The following GALNTL6 variants were observed in gnomAD, a reference collection of about 807,000 sequenced individuals.
The protein encoded by GALNTL6 is polypeptide N-acetylgalactosaminyltransferase like 6.
Under a neutral mutation model 73.7 loss-of-function variants are expected in GALNTL6, and 46 were observed. That is an observed-to-expected ratio of 0.62 (90% CI 0.49 to 0.80). The LOEUF is 0.80. Ranked by LOEUF, GALNTL6 falls within the 30% of genes least tolerant of loss-of-function variation. The pLI is 0.00. For missense variants in GALNTL6, 604 were observed against 755.0 expected, an observed-to-expected ratio of 0.80 and a Z score of 2.34; for synonymous variants, 259 against 263.7, an observed-to-expected ratio of 0.98 and a Z score of 0.17.
intron 2 of GALNTL6, among the ~76,000 whole-genome samples, chr4:172,218,398 A>G (rs775282967): frequency 6.6e-6 from 1 of 151,920 alleles, no homozygotes; most frequent in Non-Finnish European, 1.5e-5. Flanking sequence ...TTTCTTCATG[A>G]TGACCTGGTA....
At chr4:172,772,167 A>G (rs976878085) in intron 5 of GALNTL6, among the ~76,000 whole-genome samples, 3 of 152,210 alleles carry the variant, frequency 2.0e-5, no homozygotes, top group Admixed American at 2.0e-4. Context: ...ACCTACTCCC[A>G]CGATTCAATT....
At chr4:172,072,167 A>G (rs1731563532) in intron 2 of GALNTL6, among the ~76,000 whole-genome samples, 1 of 152,104 alleles carries the variant, frequency 6.6e-6, no homozygotes, top group South Asian at 2.1e-4. Context: ...ATAATCCTTC[A>G]TAAGGCCTGA....
chr4:172,682,264 A>G (rs1480979705), intron 5 of GALNTL6, among the ~76,000 whole-genome samples: 1 of 152,102 alleles, frequency 6.6e-6, no homozygotes, highest in East Asian at 1.9e-4. Flanking sequence ...CTTTTAGATC[A>G]TTTTAACACA....
chr4:172,910,518 G>A (rs1046709122), intron 8 of GALNTL6, among the ~76,000 whole-genome samples: 1 of 152,188 alleles, frequency 6.6e-6, no homozygotes, highest in Non-Finnish European at 1.5e-5. Context: ...GTTGGCCCCT[G>A]AAGGCCCCTG....
At chr4:172,105,737 C>T (rs1031739573) in intron 2 of GALNTL6, among the ~76,000 whole-genome samples, 1 of 151,938 alleles carries the variant, frequency 6.6e-6, no homozygotes, top group Non-Finnish European at 1.5e-5. Flanking sequence ...GAGAAAAACT[C>T]ATTCAAAAGC....
intron 7 of GALNTL6, among the ~76,000 whole-genome samples, chr4:172,830,872 A>T (rs1217632757): frequency 6.6e-6 from 1 of 152,128 alleles, no homozygotes; most frequent in Non-Finnish European, 1.5e-5. Context: ...AACAAGATTC[A>T]CAATCAGGCG....
chr4:172,793,838 G>A (rs1282824742), intron 5 of GALNTL6, among the ~76,000 whole-genome samples: 1 of 152,116 alleles, frequency 6.6e-6, no homozygotes, highest in Non-Finnish European at 1.5e-5. Flanking sequence ...AGCTTGCACA[G>A]GCAACAATGA....
Position 172,143,025 on chromosome 4 carries a change from A to G in GALNTL6, c.139-86631A>G, listed in dbSNP as rs548317808. 3.9e-5 allele frequency among the ~76,000 whole-genome samples: 6 copies of G among 152,124 alleles called. No individual in the cohort carries two copies. In the East Asian group the frequency reaches 1.2e-3, roughly 29 times the overall value. On this transcript the variant is annotated intron_variant, in intron 2 of 12. Coordinates refer to ENST00000506823, the MANE Select transcript of GALNTL6 (RefSeq NM_001034845.3). ...GATAGATAGATAGATAGACAGATAGATAGATAATGTCAATTCATTTAACAA... is the reference window on the plus strand; with the variant it reads ...GATAGATAGATAGATAGACAGATAGGTAGATAATGTCAATTCATTTAACAA...
chr4:173,018,882 G>A (rs949210549), intron 11 of GALNTL6, among the ~76,000 whole-genome samples: 2 of 152,236 alleles, frequency 1.3e-5, no homozygotes, highest in African/African-American at 4.8e-5. Context: ...TAGGGGTTAT[G>A]TGAAAAGGTT....
intron 5 of GALNTL6, among the ~76,000 whole-genome samples, chr4:172,446,993 T>C (rs1284789592): frequency 6.6e-6 from 1 of 152,184 alleles, no homozygotes; most frequent in Non-Finnish European, 1.5e-5. Context: ...ATTCCACATA[T>C]ATTCCTACTT....
At chr4:172,724,083 T>G (rs539466120) in intron 5 of GALNTL6, among the ~76,000 whole-genome samples, 1 of 152,276 alleles carries the variant, frequency 6.6e-6, no homozygotes, top group East Asian at 1.9e-4. Flanking sequence ...AGTCACCATG[T>G]GGGAGCAGTG....
At chr4:171,966,818 G>A (rs1739395582) in intron 2 of GALNTL6, among the ~76,000 whole-genome samples, 1 of 151,990 alleles carries the variant, frequency 6.6e-6, no homozygotes, top group Non-Finnish European at 1.5e-5. Flanking sequence ...TCACCTCACT[G>A]GGAAGTCTAC....
At chr4:172,489,742 G>C (rs1281974429) in intron 5 of GALNTL6, among the ~76,000 whole-genome samples, 1 of 152,148 alleles carries the variant, frequency 6.6e-6, no homozygotes, top group Non-Finnish European at 1.5e-5. Context: ...TATTCAACCA[G>C]GAATATGTTG....
intron 5 of GALNTL6, among the ~76,000 whole-genome samples, chr4:172,785,679 G>A (rs1358346959): frequency 6.6e-6 from 1 of 152,106 alleles, no homozygotes; most frequent in Non-Finnish European, 1.5e-5. Flanking sequence ...GAGAGTGATG[G>A]GGAGATGGGG....
chr4:171,816,350 G>C (rs1190476093), intron 2 of GALNTL6: 3 of 151,366 alleles, frequency 2.0e-5, no homozygotes, highest in African/African-American at 7.3e-5. Context: ...AAAATTGTTT[G>C]TCTAATAGCA....
intron 5 of GALNTL6, among the ~76,000 whole-genome samples, chr4:172,412,920 C>CA (rs1417601375): frequency 6.6e-6 from 1 of 152,082 alleles, no homozygotes; most frequent in Non-Finnish European, 1.5e-5. Context: ...CTGACTGAGT[C>CA]AAAAAATGAC....
chr4:171,970,979 A>G (rs973358482), intron 2 of GALNTL6, among the ~76,000 whole-genome samples: 1 of 152,232 alleles, frequency 6.6e-6, no homozygotes, highest in Admixed American at 6.5e-5. Flanking sequence ...CCTCCATTTC[A>G]CAATTATCTG....
chr4:172,594,069 G>A (rs768537936), intron 5 of GALNTL6, among the ~76,000 whole-genome samples: 2 of 152,116 alleles, frequency 1.3e-5, no homozygotes, highest in Non-Finnish European at 2.9e-5. Flanking sequence ...CATTTTGGCT[G>A]GGCGCGGTGG....
At position 171,930,846 on chromosome 4, in the gene GALNTL6, G is replaced by C. The variant is rs574688214; in HGVS notation, c.138+116128G>C. The stretch of plus-strand genomic sequence containing the variant: ...CGAGACTCTGTCTCAAAACAAACAA[G>C]CAAACAAACAGATCAGGAACAGGAC... On this transcript the variant is annotated intron_variant, in intron 2 of 12. Coordinates refer to ENST00000506823, the MANE Select transcript of GALNTL6 (RefSeq NM_001034845.3). Among the ~76,000 whole-genome samples, 21 of 152,056 alleles carry C rather than the reference G, an allele frequency of 1.4e-4. No homozygotes were observed. In the South Asian group the frequency reaches 4.4e-3, roughly 32 times the overall value.
Sources: allele counts gnomAD v4.1 joint callset (sites outside exome capture counted in the v4.1 genomes callset), GRCh38; gene constraint gnomAD v4.1.1; transcripts MANE v1.5; gene names NCBI Gene and HGNC (gene_info 2026-07-23, HGNC 2026-07-21).